The following PCDHA1 variants were observed in gnomAD, a reference collection of about 807,000 sequenced individuals.
PCDHA1 encodes protocadherin alpha 1, also known as protocadherin alpha-1.
A neutral mutation model predicts 61.3 loss-of-function variants in PCDHA1; 42 were observed. The observed-to-expected ratio is 0.69, with a 90% confidence interval of 0.54 to 0.89. PCDHA1 has a LOEUF of 0.89. PCDHA1 is among the 40% of genes least tolerant of loss of function. The pLI is 0.00. For synonymous variants in PCDHA1, 610 were observed against 553.8 expected (o/e 1.10, Z -1.43); for missense variants, 1,256 against 1,235.3 (o/e 1.02, Z -0.25).
chr5:140,862,610 G>A (rs2047447715), intron 1 of PCDHA1: 4 of 520,926 alleles, frequency 7.7e-6, no homozygotes, highest in Non-Finnish European at 1.6e-5. Flanking sequence ...TTCGTGAAAG[G>A]TAACAACCCG....
At chr5:140,869,546 C>T (rs201504685) in intron 1 of PCDHA1, 3 of 1,614,170 alleles carry the variant, frequency 1.9e-6, no homozygotes, top group Middle Eastern at 1.6e-4. Flanking sequence ...TCTAAGCAAT[C>T]GGACTCGCGT....
chr5:140,786,563 T>A lies in PCDHA1; in HGVS notation c.273T>A (p.Asp91Glu), dbSNP rs376884080. ...TTTTGTTTGTGAATTCTCGGATCGA[T>A]CGCGAGGAGCTGTGCCAGTGGAGCG... ...NGILFVNSRI[D>E]REELCQWSAE... is the part of the protein sequence containing the mutation. Residue 91 changes from aspartate (D) to glutamate (E), a missense_variant, in exon 1 of 4, where the codon GAT (aspartate) becomes GAA (glutamate). Transcript: ENST00000504120. The A allele has an allele frequency of 7.9e-5, 128 of 1,614,208 alleles. No homozygotes were observed. Among genetic ancestry groups the A allele is most frequent in the Non-Finnish European group, 1.1e-4 (125 of 1,180,046 alleles).
rs2150217412 is a variant in PCDHA1, at chr5:140,834,416, C to T, written c.2394+45732C>T. 4.3e-6 allele frequency: 7 copies of T among 1,611,040 alleles called. No individual in the cohort carries two copies. In the East Asian group the frequency reaches 1.1e-4, roughly 26 times the overall value. The stretch of plus-strand genomic sequence containing the variant: ...GCCCGAATGGATACGACCCAGGGGG[C>T]CGACATCTACTGCTGTTTATTATAA... On this transcript the variant is annotated intron_variant, in intron 1 of 3. Transcript: ENST00000504120.
chr5:140,927,974 T>C (rs1554205324), intron 1 of PCDHA1: 3 of 1,614,098 alleles, frequency 1.9e-6, no homozygotes, highest in Non-Finnish European at 2.5e-6. Context: ...GTGATTGCTC[T>C]CTTTAGTGTA....
chr5:140,975,623 A>G (rs2096675265), intron 1 of PCDHA1, among the ~76,000 whole-genome samples: 1 of 152,244 alleles, frequency 6.6e-6, no homozygotes, highest in Admixed American at 6.5e-5. Flanking sequence ...ATGGATTTCC[A>G]TGGTACGAAG....
Position 140,828,892 on chromosome 5 carries a change from T to C in PCDHA1, c.2394+40208T>C, listed in dbSNP as rs2150160259. ...CAACAGTTATCAGACTGAATGCTTC[T>C]GATCGGGATGAAGGAGCGAATGGGG... is the stretch of plus-strand genomic sequence containing the variant. On this transcript the variant is annotated intron_variant, in intron 1 of 3. Coordinates refer to ENST00000504120, the MANE Select transcript of PCDHA1 (RefSeq NM_018900.4). The C allele has an allele frequency of 1.9e-6, 3 of 1,614,124 alleles. No homozygotes were observed. In the South Asian group the frequency reaches 3.3e-5, roughly 18 times the overall value.
rs782631991 is a variant in PCDHA1, at chr5:140,966,741, G to C, written c.2395-12208G>C. The C allele has an allele frequency of 7.5e-4, 1,063 of 1,421,208 alleles. 1 individual carries two copies. The highest frequency in any genetic ancestry group is 9.1e-4 in the Non-Finnish European group (995 of 1,093,108). The allele number at this position is 1,421,208 out of a possible 1,614,324, so 88.0% of individuals were successfully genotyped here. Reference sequence around the variant, plus strand: ...GAAGCTGCCGCCTCCGGCCCTGCCCGGCTGCCTCCGCCGCGGCCAGTGGCT... The same window carrying C: ...GAAGCTGCCGCCTCCGGCCCTGCCCCGCTGCCTCCGCCGCGGCCAGTGGCT... On this transcript the variant is annotated intron_variant, in intron 1 of 3. Transcript: ENST00000504120.
At chr5:140,966,568 G>A (rs2096022635) in intron 1 of PCDHA1, 1 of 499,094 alleles carries the variant, frequency 2.0e-6, no homozygotes, top group African/African-American at 2.0e-5. Flanking sequence ...CTGGAATATG[G>A]GGAGTCAGCG....
At chr5:140,962,781 T>A (rs1466674099) in intron 1 of PCDHA1, among the ~76,000 whole-genome samples, 1 of 152,228 alleles carries the variant, frequency 6.6e-6, no homozygotes, top group African/African-American at 2.4e-5. Context: ...ATGGAATTTT[T>A]AAAAACTACT....
chr5:140,892,310 A>T (rs1346325979), intron 1 of PCDHA1, among the ~76,000 whole-genome samples: 1 of 152,230 alleles, frequency 6.6e-6, no homozygotes, highest in African/African-American at 2.4e-5. Flanking sequence ...TTTGGGGCTT[A>T]TAACATTTTC....
chr5:140,841,702 T>G (rs1554138466), intron 1 of PCDHA1: 1 of 1,613,896 alleles, frequency 6.2e-7, no homozygotes, highest in Non-Finnish European at 8.5e-7. Flanking sequence ...AGGATGTTAA[T>G]GACAACCCGC....
chr5:140,848,720 G>A, intron 1 of PCDHA1: 1 of 1,592,556 alleles, frequency 6.3e-7, no homozygotes, highest in Non-Finnish European at 8.6e-7. Flanking sequence ...GGGACCTTCT[G>A]GAGGTAAATC....
At chr5:140,979,843 A>G (rs1373380351) in intron 2 of PCDHA1, among the ~76,000 whole-genome samples, 1 of 152,246 alleles carries the variant, frequency 6.6e-6, no homozygotes, top group African/African-American at 2.4e-5. Context: ...TAATCTTCAA[A>G]CTTAAGCCCC....
In PCDHA1 at chr5:140,982,489, A is replaced by G. The variant is rs782634646; in HGVS notation, c.2468A>G (p.Glu823Gly). The change falls in exon 3 of 4, where the codon GAG (glutamate) becomes GGG (glycine). Residue 823 changes from glutamate to glycine, a missense_variant. By Grantham distance (98) the Glu-to-Gly change is moderately conservative. Transcript: ENST00000504120. ...RAGMHSSVHL[E>G]EAGILRAGPG... ...TGTTTATTCAGCTCTGTGCACCTAG[A>G]GGAGGCTGGCATTCTACGGGCTGGT... 3 of 1,614,066 alleles carry G rather than the reference A, an allele frequency of 1.9e-6. No individual in the cohort carries two copies. The African/African-American group carries it at 4.0e-5, about 22-fold the overall frequency.
intron 1 of PCDHA1, among the ~76,000 whole-genome samples, chr5:140,961,121 T>A (rs551567804): frequency 6.6e-6 from 1 of 152,330 alleles, no homozygotes; most frequent in African/African-American, 2.4e-5. Context: ...TGCATCTTAA[T>A]GTCTTGGCAC....
rs570308036 is a variant in PCDHA1 at position 140,863,611 on chromosome 5, C to T, written c.2394+74927C>T. 129 of 339,126 alleles carry T rather than the reference C, an allele frequency of 3.8e-4. 2 individuals are homozygous for T. The highest frequency in any genetic ancestry group is 3.0e-3 in the South Asian group (124 of 41,340). The allele number at this position is 339,126 out of a possible 1,614,324, so 21.0% of individuals were successfully genotyped here. A position where few individuals can be genotyped will look rare whatever the true frequency, so the allele number is the denominator to read the frequency against. On this transcript the variant is annotated intron_variant, in intron 1 of 3. Coordinates refer to ENST00000504120, the MANE Select transcript of PCDHA1 (RefSeq NM_018900.4). ...AAGTATTTCATTCCTATTAATGTCC[C>T]TCATAGTGACATTGATAATGTTCAC...
intron 1 of PCDHA1, among the ~76,000 whole-genome samples, chr5:140,941,202 C>CCTTTCTTCCTTTCTTTCTTTCTTT (rs1394736170): frequency 4.2e-3 from 519 of 122,694 alleles, no homozygotes; most frequent in African/African-American, 7.8e-3. Flanking sequence ...TTTCTTTCTT[C>CCTTTCTTCCTTTCTTTCTTTCTTT]CTTTCTTTCT....
chr5:140,870,745 G>T (rs369212308), intron 1 of PCDHA1: 8 of 1,613,530 alleles, frequency 5.0e-6, no homozygotes, highest in Admixed American at 3.3e-5. Flanking sequence ...GAGCAGCAAC[G>T]TGACGCTGCA....
intron 1 of PCDHA1, among the ~76,000 whole-genome samples, chr5:140,952,740 C>T (rs2094790841): frequency 1.3e-5 from 2 of 152,184 alleles, no homozygotes; most frequent in African/African-American, 2.4e-5. Flanking sequence ...TTTTCTCACA[C>T]TGCTATAAAA....
Sources: gnomAD v4.1 joint callset for allele counts (sites outside exome capture counted in the v4.1 genomes callset) on GRCh38, gnomAD v4.1.1 for gene constraint, MANE v1.5 for transcripts, NCBI Gene and HGNC (gene_info 2026-07-23, HGNC 2026-07-21) for gene names.